RCBTB1: variants seen among roughly 807,000 people sequenced by gnomAD.
The protein encoded by RCBTB1 is RCC1 and BTB domain-containing protein 1.
Under a neutral mutation model 62.4 loss-of-function variants are expected in RCBTB1, and 46 were observed. That is an observed-to-expected ratio of 0.74 (90% CI 0.58 to 0.94). RCBTB1 has a LOEUF of 0.94. Among genes scored for constraint, RCBTB1 ranks in the 40% least tolerant of loss-of-function variants. The pLI, the probability that RCBTB1 is intolerant of heterozygous loss-of-function variation, is 0.00. For missense variants in RCBTB1, 565 were observed against 654.9 expected (o/e 0.86, Z 1.50); for synonymous variants, 222 against 245.8 (o/e 0.90, Z 0.91).
intron 4 of RCBTB1, among the ~76,000 whole-genome samples, chr13:49,563,355 CAAAAAAAAAA>C (rs57586924): frequency 1.3e-4 from 7 of 52,212 alleles, no homozygotes; most frequent in South Asian, 2.0e-3. Flanking sequence ...GACCCTGCCT[CAAAAAAAAAA>C]AAAAAAAAAA....
intron 8 of RCBTB1, chr13:49,549,972 A>G (rs1961185853): frequency 1.2e-6 from 1 of 867,480 alleles, no homozygotes. Flanking sequence ...AACAAATGTG[A>G]TGGCTTAAAT....
chr13:49,541,004 G>A lies in RCBTB1; in HGVS notation c.1327C>T (p.Leu443Phe). The change falls in exon 12 of 13, where the codon CTT becomes TTT. Residue 443 changes from leucine (L) to phenylalanine (F), a missense_variant and splice_region_variant. Physicochemically the swap from Leu to Phe is conservative, Grantham distance 22. Transcript: ENST00000378302. The part of the protein sequence containing the change: ...VDLPPEDAIG[L>F]LDLATSYCEN... ...CAGTAAGATGTCGCCAAATCCAGAAGACCTAAAAGTAAAATATGTGAAAGG... is the reference window on the plus strand; with the variant it reads ...CAGTAAGATGTCGCCAAATCCAGAAAACCTAAAAGTAAAATATGTGAAAGG... 1 of 1,610,342 alleles carries A rather than the reference G, an allele frequency of 6.2e-7. No individual in the cohort carries two copies. The highest frequency in any genetic ancestry group is 8.5e-7 in the Non-Finnish European group (1 of 1,179,490).
intron 2 of RCBTB1, among the ~76,000 whole-genome samples, chr13:49,569,900 C>T (rs1001273275): frequency 1.3e-5 from 2 of 151,836 alleles, no homozygotes; most frequent in African/African-American, 4.8e-5. Context: ...AGAGGGAGAC[C>T]CTGTCTCAAA....
At chr13:49,582,765 G>C (rs943668490) in intron 1 of RCBTB1, among the ~76,000 whole-genome samples, 10 of 152,236 alleles carry the variant, frequency 6.6e-5, no homozygotes, top group African/African-American at 2.4e-4. Flanking sequence ...GATGGGAGGT[G>C]GTATCTCATG....
chr13:49,543,448 T>C (rs894151980), intron 10 of RCBTB1, among the ~76,000 whole-genome samples: 3 of 152,192 alleles, frequency 2.0e-5, no homozygotes, highest in Non-Finnish European at 4.4e-5. Flanking sequence ...ACAGTTCCAG[T>C]TCATCTTTTC....
chr13:49,560,634 A>G (rs1962362334), intron 4 of RCBTB1, among the ~76,000 whole-genome samples: 1 of 151,646 alleles, frequency 6.6e-6, no homozygotes, highest in African/African-American at 2.4e-5. Flanking sequence ...TTTTACATAA[A>G]GCAACCATTT....
intron 4 of RCBTB1, among the ~76,000 whole-genome samples, chr13:49,563,942 A>G (rs1453077218): frequency 6.6e-6 from 1 of 152,256 alleles, no homozygotes; most frequent in Non-Finnish European, 1.5e-5. Context: ...GATGCAAATC[A>G]TCTCCCAAAT....
intron 1 of RCBTB1, among the ~76,000 whole-genome samples, chr13:49,582,740 A>G (rs1964177143): frequency 6.6e-6 from 1 of 152,172 alleles, no homozygotes; most frequent in Admixed American, 6.5e-5. Flanking sequence ...CTTTTGTATT[A>G]TACCCATCCT....
At position 49,532,660 on chromosome 13, in the gene RCBTB1, A is replaced by C. The variant is rs1466680639; in HGVS notation, c.*1462T>G. On this transcript the variant is annotated 3_prime_UTR_variant, in exon 13 of 13. Transcript: ENST00000378302. ...AGTGAATTCCTATCTTTAGGGCCTC[A>C]CTCCCCTTCCCACCCCAATAGACAC... 1 of 151,858 alleles carries C rather than the reference A, an allele frequency of 6.6e-6. No individual in the cohort carries two copies. The highest frequency in any genetic ancestry group is 2.4e-5 in the African/African-American group (1 of 41,320). 9.4% of individuals were successfully genotyped at this position (151,858 alleles called of 1,614,324 possible).
intron 12 of RCBTB1, 122 bp from the exon 13 acceptor site, chr13:49,534,384 C>G (rs2139104475): frequency 2.0e-6 from 2 of 1,006,700 alleles, no homozygotes; most frequent in South Asian, 1.6e-5. Flanking sequence ...ATTTGAGAGG[C>G]CAGATACCTA....
intron 12 of RCBTB1, among the ~76,000 whole-genome samples, chr13:49,537,139 G>A (rs553541689): frequency 3.9e-5 from 6 of 152,126 alleles, no homozygotes; most frequent in African/African-American, 9.6e-5. Context: ...CAGGTGCCTC[G>A]GCATCACAGC....
chr13:49,577,390 A>G (rs113812823), intron 2 of RCBTB1, among the ~76,000 whole-genome samples: 135 of 152,348 alleles, frequency 8.9e-4, no homozygotes, highest in African/African-American at 3.1e-3. Context: ...ATGGAGAGAA[A>G]TGGTACAGGA....
intron 4 of RCBTB1, 78 bp downstream of exon 4, chr13:49,566,540 T>A: frequency 5.2e-6 from 7 of 1,350,178 alleles, no homozygotes; most frequent in South Asian, 1.4e-5. Flanking sequence ...TTATCTGGTA[T>A]AGCCCTATCT....
rs754060684 is a variant in RCBTB1, at chr13:49,560,475, G to A, written c.278-391C>T. Among the ~76,000 whole-genome samples, 12 of 152,144 alleles carry A rather than the reference G, an allele frequency of 7.9e-5. No individual in the cohort carries two copies. The East Asian group carries it at 1.5e-3, about 20-fold the overall frequency. On this transcript the variant is annotated intron_variant, in intron 4 of 12. Transcript: ENST00000378302. Reference sequence around the variant, plus strand: ...ATTGCTTAACCAAATACCAAGTCACGGGGAACCCACAGGGGGCGTGTGGCT... The same window carrying A: ...ATTGCTTAACCAAATACCAAGTCACAGGGAACCCACAGGGGGCGTGTGGCT...
At position 49,560,060 on chromosome 13, in the gene RCBTB1, T is replaced by C; in HGVS notation, c.302A>G (p.His101Arg). 6.2e-7 allele frequency: 1 copy of C among 1,614,028 alleles called. No homozygotes were observed. Among genetic ancestry groups the C allele is most frequent in the Non-Finnish European group, 8.5e-7 (1 of 1,179,988 alleles). The part of the protein sequence containing the change: ...TEDGVVYAWG[H>R]NGYSQLGNGT... Reference sequence around the variant, plus strand: ...ATTCCCAAGCTGGCTATATCCATTGTGGCCCCAGGCATAAACCACTCCATC... The same window carrying C: ...ATTCCCAAGCTGGCTATATCCATTGCGGCCCCAGGCATAAACCACTCCATC... Residue 101 changes from histidine (H) to arginine (R), a missense_variant, in exon 5 of 13, where the codon CAC (histidine) becomes CGC (arginine). Transcript: ENST00000378302.
At chr13:49,583,005 T>TGTC (rs1964195503) in intron 1 of RCBTB1, among the ~76,000 whole-genome samples, 1 of 152,112 alleles carries the variant, frequency 6.6e-6, no homozygotes, top group Non-Finnish European at 1.5e-5. Context: ...AGGGAGACCC[T>TGTC]GTCTCTACAA....
rs1961122578 is a variant in RCBTB1, at chr13:49,549,403, T to C, written c.1045+55A>G. 2.7e-6 allele frequency: 4 copies of C among 1,507,180 alleles called. No homozygotes were observed. The South Asian group carries it at 3.9e-5, about 15-fold the overall frequency. The allele number at this position is 1,507,180 out of a possible 1,614,324, so 93.4% of individuals were successfully genotyped here. On this transcript the variant is annotated intron_variant, in intron 9 of 12. Coordinates refer to ENST00000378302, the MANE Select transcript of RCBTB1 (RefSeq NM_018191.4). Reference sequence around the variant, plus strand: ...AAAACCAGCAAAGACACAGGAAAACTGGTCAGTTGGTAGTACCATTCTTCC... The same window carrying C: ...AAAACCAGCAAAGACACAGGAAAACCGGTCAGTTGGTAGTACCATTCTTCC...
At chr13:49,575,676 G>A (rs1963726744) in intron 2 of RCBTB1, among the ~76,000 whole-genome samples, 1 of 152,018 alleles carries the variant, frequency 6.6e-6, no homozygotes, top group Admixed American at 6.6e-5. Flanking sequence ...CTTAGAAATG[G>A]GAACTAAATA....
chr13:49,557,895 ACAC>A (rs1296339741), intron 5 of RCBTB1, among the ~76,000 whole-genome samples: 2 of 152,238 alleles, frequency 1.3e-5, no homozygotes, highest in Non-Finnish European at 2.9e-5. Context: ...TACAATATTC[ACAC>A]CACATCAAGT....
Sources: gnomAD v4.1 joint callset for allele counts (sites outside exome capture counted in the v4.1 genomes callset) on GRCh38, gnomAD v4.1.1 for gene constraint, MANE v1.5 for transcripts, NCBI Gene and HGNC (gene_info 2026-07-23, HGNC 2026-07-21) for gene names.